Variants in TEX2 observed in about 807,000 individuals in gnomAD.
TEX2 encodes the protein testis expressed 2.
A neutral mutation model predicts 106.9 loss-of-function variants in TEX2; 53 were observed. That is an observed-to-expected ratio of 0.50 (90% CI 0.40 to 0.62). TEX2 has a LOEUF of 0.62. Among genes scored for constraint, TEX2 ranks in the 20% least tolerant of loss-of-function variants. The pLI, the probability that TEX2 is intolerant of heterozygous loss-of-function variation, is 0.00. For missense variants in TEX2, 1,207 were observed against 1,379.0 expected (o/e 0.88, Z 1.98); for synonymous variants, 523 against 534.8 (o/e 0.98, Z 0.30).
Position 64,258,299 on chromosome 17 carries a change from G to C in TEX2, c.-26+4869C>G, listed in dbSNP as rs145551664. On this transcript the variant is annotated intron_variant, in intron 1 of 11. Transcript: ENST00000584379. Reference sequence around the variant, plus strand: ...ACTTTATTATAGGTATACATGCATAGGAAAAAAACGTGGTGTATATACGGT... The same window carrying C: ...ACTTTATTATAGGTATACATGCATACGAAAAAAACGTGGTGTATATACGGT... Among the ~76,000 whole-genome samples the C allele has an allele frequency of 2.2e-3, 333 of 152,202 alleles. 2 individuals are homozygous for C. Among genetic ancestry groups the C allele is most frequent in the African/African-American group, 7.8e-3 (322 of 41,516 alleles).
At chr17:64,239,609 C>T (rs1555635512) in intron 1 of TEX2, among the ~76,000 whole-genome samples, 1 of 152,026 alleles carries the variant, frequency 6.6e-6, no homozygotes, top group African/African-American at 2.4e-5. Context: ...GGCATGGCGG[C>T]TCACACCTGT....
At position 64,212,691 on chromosome 17, in the gene TEX2, T is replaced by A; in HGVS notation, c.1527A>T (p.Ala509=). 1 of 1,614,152 alleles carries A rather than the reference T, an allele frequency of 6.2e-7. No homozygotes were observed. The highest frequency in any genetic ancestry group is 8.5e-7 in the Non-Finnish European group (1 of 1,180,022). The change falls in exon 2 of 12, where the codon GCA becomes GCT. Residue 509 remains alanine, a synonymous_variant. Coordinates refer to ENST00000584379, the MANE Select transcript of TEX2 (RefSeq NM_001288732.2). The stretch of plus-strand genomic sequence containing the variant: ...GTGTAAAAAACCAAATCACGCAAAC[T>A]GCAGTCATGAATCCAAGGCCAATTC... ...FLGIGLGFMT[A]VCVIWFFTPP... is the part of the protein sequence containing the mutation.
intron 1 of TEX2, among the ~76,000 whole-genome samples, chr17:64,251,781 C>G (rs2034097591): frequency 6.6e-6 from 1 of 152,140 alleles, no homozygotes; most frequent in African/African-American, 2.4e-5. Context: ...GGAAGCCTCC[C>G]CTGCACAAGG....
Position 64,195,037 on chromosome 17 carries a change from T to A in TEX2, c.1703A>T (p.His568Leu). 1 of 1,614,188 alleles carries A rather than the reference T, an allele frequency of 6.2e-7. No individual in the cohort carries two copies. Among genetic ancestry groups the A allele is most frequent in the East Asian group, 2.2e-5 (1 of 44,888 alleles). Residue 568 changes from histidine to leucine, a missense_variant, in exon 3 of 12, where the codon CAT becomes CTT. This residue lies in a region of TEX2 where 1,067 missense variants were observed against 1,193.6 expected (regional missense o/e 0.89). Coordinates refer to ENST00000584379, the MANE Select transcript of TEX2 (RefSeq NM_001288732.2). The surrounding 1 kb of genome is among the most constrained non-coding windows in gnomAD (Gnocchi z 4.1). ...DPETYHATLT[H>L]SVFVRLEGGT... is the part of the protein sequence containing the mutation. ...ACCCTCAAGTCGAACAAAGACTGAA[T>A]GTGTCAAAGTCGCATGGTAGGTTTC...
In TEX2 at chr17:64,212,876, C is replaced by T; in HGVS notation, c.1342G>A (p.Val448Met). 1 of 1,614,188 alleles carries T rather than the reference C, an allele frequency of 6.2e-7. No homozygotes were observed. Among genetic ancestry groups the T allele is most frequent in the South Asian group, 1.1e-5 (1 of 91,088 alleles). The change falls in exon 2 of 12, where the codon GTG becomes ATG. Residue 448 changes from valine to methionine, a missense_variant. Transcript: ENST00000584379. Reference sequence around the variant, plus strand: ...AGGACCACACCATCTTCCGCGAGCACCTCTGGCTTGAGAGGAATATCTGAG... The same window carrying T: ...AGGACCACACCATCTTCCGCGAGCATCTCTGGCTTGAGAGGAATATCTGAG... ...KLSDIPLKPE[V>M]LAEDGVVLDS...
intron 1 of TEX2, among the ~76,000 whole-genome samples, chr17:64,243,944 GACTAC>G (rs1555636031): frequency 2.6e-5 from 4 of 151,882 alleles, no homozygotes; most frequent in Admixed American, 2.0e-4. Context: ...AAGTAGCTGG[GACTAC>G]AGGCATGCAC....
At position 64,148,746 on chromosome 17, in the gene TEX2, C is replaced by T. The variant is rs2030189321; in HGVS notation, c.*223G>A. 1.9e-6 allele frequency: 1 copy of T among 530,004 alleles called. No individual in the cohort carries two copies. The highest frequency in any genetic ancestry group is 3.5e-5 in the Admixed American group (1 of 28,308). The allele number at this position is 530,004 out of a possible 1,614,324, so 32.8% of individuals were successfully genotyped here. On this transcript the variant is annotated 3_prime_UTR_variant, in exon 12 of 12. Coordinates refer to ENST00000584379, the MANE Select transcript of TEX2 (RefSeq NM_001288732.2). ...TCCACCATGATTCTTCCATGGTCTC[C>T]TTTGCCAAATCAAAGCTTTGCAGCA... is the stretch of plus-strand genomic sequence containing the variant.
chr17:64,241,909 A>G (rs1555635820), intron 1 of TEX2, among the ~76,000 whole-genome samples: 1 of 152,246 alleles, frequency 6.6e-6, no homozygotes, highest in African/African-American at 2.4e-5. Flanking sequence ...CTGGGATTAC[A>G]GGAGTAAGCC....
intron 1 of TEX2, chr17:64,255,828 C>T (rs2034173824): frequency 6.6e-6 from 1 of 152,236 alleles, no homozygotes; most frequent in South Asian, 2.1e-4. Context: ...CACAGCAACT[C>T]CGAGTTGTCA....
chr17:64,224,798 A>G (rs1309376084), intron 1 of TEX2, among the ~76,000 whole-genome samples: 2 of 152,226 alleles, frequency 1.3e-5, no homozygotes, highest in African/African-American at 4.8e-5. Flanking sequence ...GAAAGCATCA[A>G]TACAATTAGA....
At chr17:64,256,300 C>G (rs938178584) in intron 1 of TEX2, among the ~76,000 whole-genome samples, 7 of 152,298 alleles carry the variant, frequency 4.6e-5, no homozygotes, top group African/African-American at 1.4e-4. Flanking sequence ...TCATTCAACC[C>G]TCATAGCATC....
intron 1 of TEX2, among the ~76,000 whole-genome samples, chr17:64,259,358 G>C (rs1374999511): frequency 6.6e-6 from 1 of 152,188 alleles, no homozygotes; most frequent in Non-Finnish European, 1.5e-5. Context: ...TTGGAAAGGA[G>C]CAACACAAAA....
chr17:64,188,431 C>T lies in TEX2; in HGVS notation c.2177-16G>A, dbSNP rs369714016. 1.2e-5 allele frequency: 19 copies of T among 1,613,430 alleles called. No individual in the cohort carries two copies. Among genetic ancestry groups the T allele is most frequent in the African/African-American group, 9.4e-5 (7 of 74,756 alleles). On this transcript the variant is annotated splice_polypyrimidine_tract_variant and intron_variant, in intron 4 of 11. Transcript: ENST00000584379. ...GGCAAAAGCCCTGGAGCCAAGAAGA[C>T]GGGGGCTATTCACACAATGAAGAAA... is the stretch of plus-strand genomic sequence containing the variant.
Position 64,188,381 on chromosome 17 carries a change from C to A in TEX2, c.2211G>T (p.Pro737=), listed in dbSNP as rs747716074. 6.8e-6 allele frequency: 11 copies of A among 1,614,184 alleles called. No homozygotes were observed. In the South Asian group the frequency reaches 1.1e-4, roughly 16 times the overall value. Residue 737 remains proline, a synonymous_variant, in exon 5 of 12, where the codon CCG becomes CCT. Coordinates refer to ENST00000584379, the MANE Select transcript of TEX2 (RefSeq NM_001288732.2). Reference sequence around the variant, plus strand: ...TGCGGCTGTGGGTCAGGTGCCCGGACGGACTGTTGTGTCTGCTGTGTGCAG... The same window carrying A: ...TGCGGCTGTGGGTCAGGTGCCCGGAAGGACTGTTGTGTCTGCTGTGTGCAG... The part of the protein sequence containing the change: ...LLPAHSRHNS[P]SGHLTHSRSS...
intron 6 of TEX2, among the ~76,000 whole-genome samples, chr17:64,175,643 G>C (rs918683044): frequency 2.0e-5 from 3 of 152,148 alleles, no homozygotes; most frequent in African/African-American, 7.2e-5. Flanking sequence ...CTGGAGTTTG[G>C]TGGTGCGATC....
Position 64,213,963 on chromosome 17 carries a change from G to C in TEX2, c.255C>G (p.Pro85=), listed in dbSNP as rs782655334. The change falls in exon 2 of 12, where the codon CCC becomes CCG. Residue 85 remains proline, a synonymous_variant. Coordinates refer to ENST00000584379, the MANE Select transcript of TEX2 (RefSeq NM_001288732.2). This position sits in a 1 kb window ranked among gnomAD's most constrained non-coding sequence, Gnocchi z 4.4. ...GGACAGGCGAGGCAGCAGGGCCGGC[G>C]GGGTCATGGCCAACTTGGGGTTCAA... ...LYLEPQVGHD[P]AGPAASPVLA... 6.2e-7 allele frequency: 1 copy of C among 1,614,066 alleles called. No homozygotes were observed. Among genetic ancestry groups the C allele is most frequent in the African/African-American group, 1.3e-5 (1 of 74,926 alleles).
chr17:64,226,563 A>G (rs369006060), intron 1 of TEX2, among the ~76,000 whole-genome samples: 3 of 152,234 alleles, frequency 2.0e-5, no homozygotes, highest in East Asian at 1.9e-4. Flanking sequence ...AAATTTAGGA[A>G]GGCATCTTCA....
intron 3 of TEX2, among the ~76,000 whole-genome samples, 179 bp downstream of exon 3, chr17:64,194,716 T>C (rs959474266): frequency 1.3e-5 from 2 of 152,172 alleles, no homozygotes; most frequent in African/African-American, 4.8e-5. Context: ...AGAATCTGCA[T>C]TTAACAAGAT....
rs2143561927 is a variant in TEX2 at position 64,148,135 on chromosome 17, A to C, written c.*834T>G. The C allele has an allele frequency of 6.5e-6, 1 of 152,752 alleles. No homozygotes were observed. The highest frequency in any genetic ancestry group is 1.5e-5 in the Non-Finnish European group (1 of 68,040). The allele number at this position is 152,752 out of a possible 1,614,324, so 9.5% of individuals were successfully genotyped here. On this transcript the variant is annotated 3_prime_UTR_variant, in exon 12 of 12. Coordinates refer to ENST00000584379, the MANE Select transcript of TEX2 (RefSeq NM_001288732.2). ...TTCGATTCCCATATAAACCTGGAGG[A>C]CACAGGAAACGCCAGATGGAAAAAC...
Sources: gnomAD v4.1 joint callset for allele counts (sites outside exome capture counted in the v4.1 genomes callset) on GRCh38, gnomAD v4.1.1 for gene constraint, gnomAD v4.1.1 regional missense constraint, Gnocchi (gnomAD v3.1) non-coding constraint, MANE v1.5 for transcripts, NCBI Gene and HGNC (gene_info 2026-07-23, HGNC 2026-07-21) for gene names.